Variants in NPFFR2 observed in about 807,000 individuals in gnomAD.
NPFFR2 encodes the protein neuropeptide FF receptor 2.
NPFFR2 carries 15 observed loss-of-function variants against 13.1 expected under a neutral mutation model. The observed-to-expected ratio is 1.15, with a 90% CI of 0.77 to 1.76. The LOEUF (loss-of-function observed/expected upper bound fraction) is 1.76, where lower values mean the gene tolerates loss of function less well. Among genes scored for constraint, NPFFR2 ranks in the 40% most tolerant of loss-of-function variants. The pLI is 0.00. For missense variants in NPFFR2, 572 were observed against 503.5 expected (o/e 1.14, Z -1.30); for synonymous variants, 190 against 175.7 (o/e 1.08, Z -0.65).
chr4:72,138,144 G>T lies in NPFFR2; in HGVS notation c.428+5G>T. On this transcript the variant is annotated splice_donor_5th_base_variant and intron_variant, in intron 3 of 3. Coordinates refer to ENST00000308744, the MANE Select transcript of NPFFR2 (RefSeq NM_004885.3). ...AGTTGCAATTGCTGTAGATAGGTAA[G>T]TCTGCACCAAACTCTGAATCCAGAA... The T allele has an allele frequency of 6.2e-7, 1 of 1,605,130 alleles. No homozygotes were observed. The highest frequency in any genetic ancestry group is 8.5e-7 in the Non-Finnish European group (1 of 1,172,406).
intron 1 of NPFFR2, among the ~76,000 whole-genome samples, chr4:72,103,472 T>G (rs1298754116): frequency 2.0e-5 from 3 of 152,006 alleles, no homozygotes; most frequent in Non-Finnish European, 4.4e-5. Flanking sequence ...CCTCCAGAAC[T>G]CTGAGGGAAT....
rs1180976868 is a variant in NPFFR2, at chr4:72,147,225, A to C, written c.676A>C (p.Asn226His). 1.9e-6 allele frequency: 3 copies of C among 1,614,198 alleles called. No homozygotes were observed. The highest frequency in any genetic ancestry group is 3.3e-5 in the Admixed American group (2 of 60,016). Residue 226 changes from asparagine (N) to histidine (H), a missense_variant, in exon 4 of 4, where the codon AAC becomes CAC. By Grantham distance (68) the Asn-to-His change is moderately conservative (BLOSUM62 1). Coordinates refer to ENST00000308744, the MANE Select transcript of NPFFR2 (RefSeq NM_004885.3). Reference protein sequence around the residue: ...RKIYTTVLFANIYLAPLSLIV... With the variant: ...RKIYTTVLFAHIYLAPLSLIV... ...GATCTACACCACTGTGCTGTTTGCC[A>C]ACATCTACCTGGCTCCCCTCTCCCT...
chr4:72,087,106 G>T (rs189626502), intron 1 of NPFFR2, among the ~76,000 whole-genome samples: 1 of 151,986 alleles, frequency 6.6e-6, no homozygotes, highest in Non-Finnish European at 1.5e-5. Flanking sequence ...ACCATTTTGC[G>T]CTAAGCTTAT....
At chr4:72,103,554 G>A (rs1230213473) in intron 1 of NPFFR2, among the ~76,000 whole-genome samples, 3 of 151,966 alleles carry the variant, frequency 2.0e-5, no homozygotes, top group Non-Finnish European at 2.9e-5. Context: ...ATTAAGCCAA[G>A]GCCCATTGTC....
intron 1 of NPFFR2, among the ~76,000 whole-genome samples, chr4:72,071,756 T>G (rs1258960999): frequency 2.0e-5 from 3 of 152,130 alleles, no homozygotes; most frequent in African/African-American, 4.8e-5. Flanking sequence ...TACTTCTGAT[T>G]GCAGATGCAC....
intron 1 of NPFFR2, among the ~76,000 whole-genome samples, chr4:72,057,481 A>G (rs1406977762): frequency 6.6e-6 from 1 of 151,626 alleles, no homozygotes; most frequent in Non-Finnish European, 1.5e-5. Flanking sequence ...CATAACTCCA[A>G]CCTTTGCCTT....
At chr4:72,090,116 C>G (rs573630599) in intron 1 of NPFFR2, among the ~76,000 whole-genome samples, 4 of 152,018 alleles carry the variant, frequency 2.6e-5, no homozygotes, top group Non-Finnish European at 5.9e-5. Flanking sequence ...TTTGCTTTGT[C>G]GAAGACCAGT....
At chr4:72,051,256 T>A (rs12642161) in intron 1 of NPFFR2, among the ~76,000 whole-genome samples, 3 of 151,684 alleles carry the variant, frequency 2.0e-5, no homozygotes, top group South Asian at 2.1e-4. Context: ...AAAGCTCTCC[T>A]CAGCAAATGT....
intron 1 of NPFFR2, among the ~76,000 whole-genome samples, chr4:72,126,042 A>G (rs1162578164): frequency 6.6e-6 from 1 of 152,228 alleles, no homozygotes; most frequent in East Asian, 1.9e-4. Context: ...TCTAATTTAG[A>G]AATTTTCTAA....
intron 1 of NPFFR2, among the ~76,000 whole-genome samples, chr4:72,034,371 C>T (rs1718992474): frequency 1.3e-5 from 2 of 152,118 alleles, no homozygotes; most frequent in South Asian, 2.1e-4. Context: ...TTCTCTTTCA[C>T]GTGATGGCAC....
At chr4:72,145,921 G>A (rs1334368388) in intron 3 of NPFFR2, among the ~76,000 whole-genome samples, 2 of 152,092 alleles carry the variant, frequency 1.3e-5, no homozygotes, top group African/African-American at 4.8e-5. Flanking sequence ...TTAACATAAT[G>A]AAATTCAATA....
rs1299275736 is a variant in NPFFR2, at chr4:72,147,526, G to A, written c.977G>A (p.Ser326Asn). 1 of 1,614,184 alleles carries A rather than the reference G, an allele frequency of 6.2e-7. No individual in the cohort carries two copies. Among genetic ancestry groups the A allele is most frequent in the Admixed American group, 1.7e-5 (1 of 60,030 alleles). The change falls in exon 4 of 4, where the codon AGC becomes AAC. Residue 326 changes from serine (S) to asparagine (N), a missense_variant. Transcript: ENST00000308744. The stretch of plus-strand genomic sequence containing the variant: ...GCACACTGGCTGGCATTCGGCAACA[G>A]CAGTGTCAATCCCATCATTTATGGT... ...PFAHWLAFGN[S>N]SVNPIIYGFF...
At chr4:72,106,176 T>C (rs1172703741) in intron 1 of NPFFR2, among the ~76,000 whole-genome samples, 3 of 151,984 alleles carry the variant, frequency 2.0e-5, no homozygotes, top group African/African-American at 4.8e-5. Context: ...GCCGAATACT[T>C]TGGAGAACAC....
rs184270242 is a variant in NPFFR2, at chr4:72,062,338, A to G, written c.-8+30138A>G. Among the ~76,000 whole-genome samples, 524 of 152,288 alleles carry G rather than the reference A, an allele frequency of 3.4e-3. 1 individual carries two copies. Among genetic ancestry groups the G allele is most frequent in the Non-Finnish European group, 6.2e-3 (420 of 68,004 alleles). ...AGGATCATAATTTTGTTAAATGTCCATAAATAATTAAGATGCCTCTAAAGG... is the reference window on the plus strand; with the variant it reads ...AGGATCATAATTTTGTTAAATGTCCGTAAATAATTAAGATGCCTCTAAAGG... On this transcript the variant is annotated intron_variant, in intron 1 of 3. Coordinates refer to ENST00000308744, the MANE Select transcript of NPFFR2 (RefSeq NM_004885.3).
At chr4:72,073,013 T>C (rs4371586) in intron 1 of NPFFR2, among the ~76,000 whole-genome samples, 136,769 of 151,984 alleles carry the variant, frequency 0.9, 62,486 homozygotes, top group Non-Finnish European at 0.98. Context: ...AACCAAAAGG[T>C]AGAGATCAGC....
chr4:72,078,807 TTA>T (rs778277970), intron 1 of NPFFR2, among the ~76,000 whole-genome samples: 2 of 152,060 alleles, frequency 1.3e-5, no homozygotes, highest in African/African-American at 2.4e-5. Flanking sequence ...TTCAGTGGAA[TTA>T]TGCTGAGTGG....
intron 1 of NPFFR2, among the ~76,000 whole-genome samples, chr4:72,116,725 T>A (rs1721722571): frequency 6.6e-6 from 1 of 152,232 alleles, no homozygotes; most frequent in Non-Finnish European, 1.5e-5. Flanking sequence ...CTTATTTCTT[T>A]TATGGGCATT....
At position 72,147,408 on chromosome 4, in the gene NPFFR2, T is replaced by C. The variant is rs776452369; in HGVS notation, c.859T>C (p.Trp287Arg). ...LIVALLFILS[W>R]LPLWTLMMLS... ...TGTGGCCCTGCTTTTTATTCTCTCA[T>C]GGCTGCCCCTGTGGACTCTAATGAT... The change falls in exon 4 of 4, where the codon TGG (tryptophan) becomes CGG (arginine). Residue 287 changes from tryptophan (W) to arginine (R), a missense_variant. Transcript: ENST00000308744. 1 of 1,614,134 alleles carries C rather than the reference T, an allele frequency of 6.2e-7. No individual in the cohort carries two copies. Among genetic ancestry groups the C allele is most frequent in the East Asian group, 2.2e-5 (1 of 44,876 alleles).
chr4:72,096,243 G>T (rs1721068716), intron 1 of NPFFR2, among the ~76,000 whole-genome samples: 1 of 152,108 alleles, frequency 6.6e-6, no homozygotes, highest in East Asian at 1.9e-4. Context: ...TAAAAAAGAT[G>T]AATAGGCCAT....
Sources: gnomAD v4.1 joint callset for allele counts (sites outside exome capture counted in the v4.1 genomes callset) on GRCh38, gnomAD v4.1.1 for gene constraint, MANE v1.5 for transcripts, NCBI Gene and HGNC (gene_info 2026-07-23, HGNC 2026-07-21) for gene names.